Variants in ASTN2 observed in about 807,000 individuals in gnomAD.
The protein encoded by ASTN2 is astrotactin-2.
Under a neutral mutation model 139.8 loss-of-function variants are expected in ASTN2, and 54 were observed. That is an observed-to-expected ratio of 0.39 (90% CI 0.31 to 0.48). The LOEUF (loss-of-function observed/expected upper bound fraction) is 0.48. Among genes scored for constraint, ASTN2 ranks in the 20% least tolerant of loss-of-function variants. The pLI is 0.95. For synonymous variants in ASTN2, 756 were observed against 719.5 expected, an observed-to-expected ratio of 1.05 and a Z score of -0.81; for missense variants, 1,565 against 1,725.1, an observed-to-expected ratio of 0.91 and a Z score of 1.64.
At chr9:116,526,195 T>A (rs1391464022) in intron 19 of ASTN2, among the ~76,000 whole-genome samples, 1 of 152,198 alleles carries the variant, frequency 6.6e-6, no homozygotes, top group Non-Finnish European at 1.5e-5. Context: ...CATATTCACA[T>A]ATATGCTCCA....
At chr9:117,286,177 A>C (rs1206832768) in intron 2 of ASTN2, among the ~76,000 whole-genome samples, 1 of 152,190 alleles carries the variant, frequency 6.6e-6, no homozygotes, top group East Asian at 1.9e-4. Context: ...AGCAACTTTG[A>C]TCTATGCAAA....
At chr9:117,126,236 T>C (rs939523324) in intron 4 of ASTN2, among the ~76,000 whole-genome samples, 14 of 152,306 alleles carry the variant, frequency 9.2e-5, no homozygotes, top group Middle Eastern at 3.4e-3. Context: ...GGCCTATGTA[T>C]GTGCAGACAT....
intron 11 of ASTN2, among the ~76,000 whole-genome samples, chr9:116,826,956 C>G (rs533125903): frequency 1.3e-5 from 2 of 152,182 alleles, no homozygotes; most frequent in Admixed American, 1.3e-4. Flanking sequence ...AAGTTTATAG[C>G]ATTAAATGCC....
Position 116,951,389 on chromosome 9 carries a change from C to T in ASTN2, c.1889+23819G>A, listed in dbSNP as rs2418450. 2.4e-3 allele frequency among the ~76,000 whole-genome samples: 344 copies of T among 144,104 alleles called. 2 individuals carry two copies. The Middle Eastern group carries it at 0.035, about 15-fold the overall frequency. The allele number at this position is 144,104 out of a possible 152,430, so 94.5% of individuals were successfully genotyped here. ...AAAAGATCTGTGGTTGTAGATACTGCCATGTATGAGCCCATCTCTCACACA... is the reference window on the plus strand; with the variant it reads ...AAAAGATCTGTGGTTGTAGATACTGTCATGTATGAGCCCATCTCTCACACA... On this transcript the variant is annotated intron_variant, in intron 10 of 22. Transcript: ENST00000313400.
At chr9:116,700,513 G>A (rs1861117786) in intron 16 of ASTN2, 1 of 167,092 alleles carries the variant, frequency 6.0e-6, no homozygotes. Flanking sequence ...ATAGTCTCTA[G>A]GGCTCATCAT....
At chr9:116,482,074 C>T (rs1177176872) in intron 20 of ASTN2, among the ~76,000 whole-genome samples, 3 of 152,190 alleles carry the variant, frequency 2.0e-5, no homozygotes, top group Non-Finnish European at 2.9e-5. Context: ...CGCCTGTAAT[C>T]CCAGCACTTT....
At chr9:116,765,065 C>T (rs1394099898) in intron 13 of ASTN2, among the ~76,000 whole-genome samples, 1 of 152,130 alleles carries the variant, frequency 6.6e-6, no homozygotes, top group African/African-American at 2.4e-5. Flanking sequence ...GATACCTCTA[C>T]AAAATACGTG....
At chr9:116,596,282 C>T (rs543710771) in intron 19 of ASTN2, among the ~76,000 whole-genome samples, 8 of 152,212 alleles carry the variant, frequency 5.3e-5, no homozygotes, top group Non-Finnish European at 8.8e-5. Flanking sequence ...GCTGGGAATG[C>T]GGAAACAAGG....
intron 11 of ASTN2, among the ~76,000 whole-genome samples, chr9:116,841,326 A>C (rs1832248552): frequency 6.6e-6 from 1 of 152,220 alleles, no homozygotes; most frequent in African/African-American, 2.4e-5. Flanking sequence ...AGATGGCAGC[A>C]GTACCGTCCA....
At chr9:116,515,607 A>G (rs1196454809) in intron 19 of ASTN2, among the ~76,000 whole-genome samples, 3 of 152,146 alleles carry the variant, frequency 2.0e-5, no homozygotes, top group African/African-American at 7.2e-5. Context: ...GATACACTCT[A>G]CTTTTGGACT....
intron 19 of ASTN2, among the ~76,000 whole-genome samples, chr9:116,504,580 GTAA>G (rs1355968193): frequency 3.3e-5 from 5 of 152,014 alleles, no homozygotes; most frequent in Admixed American, 1.3e-4. Context: ...ACACTCTCAA[GTAA>G]TAATAATATT....
chr9:117,096,059 G>A lies in ASTN2; in HGVS notation c.1261C>T (p.Arg421Cys), dbSNP rs147269251. ...ACACTATTACCTTTGCTGCGGCGGC[G>A]ACTGCGGTACTGCTCCGTGTAGAAT... is the stretch of plus-strand genomic sequence containing the variant. ...LTFYTEQYRS[R>C]RRSKGLLKSP... Residue 421 changes from arginine (R) to cysteine (C), a missense_variant, in exon 5 of 23, where the codon CGC (arginine) becomes TGC (cysteine). By Grantham distance (180) the Arg-to-Cys change is radical. Transcript: ENST00000313400. The A allele has an allele frequency of 3.8e-5, 62 of 1,613,812 alleles. No homozygotes were observed. The highest frequency in any genetic ancestry group is 1.2e-4 in the Admixed American group (7 of 59,990).
At chr9:116,934,363 A>T (rs1195972377) in intron 10 of ASTN2, among the ~76,000 whole-genome samples, 1 of 152,202 alleles carries the variant, frequency 6.6e-6, no homozygotes, top group Non-Finnish European at 1.5e-5. Context: ...CTTTGCAATT[A>T]ACAGAGTCGA....
chr9:116,608,370 C>A (rs771925197), intron 19 of ASTN2, among the ~76,000 whole-genome samples: 2 of 152,170 alleles, frequency 1.3e-5, no homozygotes, highest in Non-Finnish European at 1.5e-5. Context: ...TAGTGCCTGT[C>A]TCTACCAGCC....
intron 2 of ASTN2, among the ~76,000 whole-genome samples, chr9:117,270,264 A>C (rs150091350): frequency 0.025 from 3,866 of 152,310 alleles, 75 homozygotes; most frequent in South Asian, 0.058. Flanking sequence ...TATAGGTGTA[A>C]TGTGGTGCAG....
intron 1 of ASTN2, among the ~76,000 whole-genome samples, chr9:117,382,403 T>C (rs1395385637): frequency 6.6e-6 from 1 of 152,184 alleles, no homozygotes; most frequent in Non-Finnish European, 1.5e-5. Flanking sequence ...GAACAAGGCA[T>C]TTTATATCCA....
chr9:116,728,888 C>A, intron 15 of ASTN2, 104 bp downstream of exon 15: 2 of 929,672 alleles, frequency 2.2e-6, no homozygotes, highest in East Asian at 2.7e-5. Context: ...TCCTCATTTC[C>A]TCAGCATCCC....
intron 19 of ASTN2, among the ~76,000 whole-genome samples, chr9:116,552,646 C>A (rs1457283896): frequency 6.6e-6 from 1 of 152,194 alleles, no homozygotes; most frequent in Admixed American, 6.5e-5. Context: ...GGGATTTGAA[C>A]CCTTGATTCC....
intron 11 of ASTN2, among the ~76,000 whole-genome samples, chr9:116,837,756 T>C (rs1832050363): frequency 6.6e-6 from 1 of 152,090 alleles, no homozygotes; most frequent in African/African-American, 2.4e-5. Flanking sequence ...GTGAATCATA[T>C]GGTAAATAAG....
Sources: allele counts gnomAD v4.1 joint callset (sites outside exome capture counted in the v4.1 genomes callset), GRCh38; gene constraint gnomAD v4.1.1; transcripts MANE v1.5; gene names NCBI Gene and HGNC (gene_info 2026-07-23, HGNC 2026-07-21).